Variants in MYO1A observed in about 807,000 individuals in gnomAD.
MYO1A encodes myosin IA.
In MYO1A, 127 loss-of-function variants were observed where a neutral mutation model predicts 138.5. The observed-to-expected ratio is 0.92, with a 90% CI of 0.79 to 1.06. MYO1A has a LOEUF of 1.06. MYO1A is among the 50% of genes least tolerant of loss of function. The pLI, the probability that MYO1A is intolerant of heterozygous loss-of-function variation, is 0.00. For missense variants in MYO1A, 1,211 were observed against 1,288.8 expected (o/e 0.94, Z 0.92); for synonymous variants, 477 against 497.5 (o/e 0.96, Z 0.55).
chr12:57,047,975 G>A lies in MYO1A; in HGVS notation c.230+14C>T, dbSNP rs762690771. On this transcript the variant is annotated intron_variant, in intron 3 of 27. Transcript: ENST00000300119. ...CTGGGGCCCTGTCAGCCTTCCCTTGGTCCCCCTACTCACATATGGGGCTTC... is the reference window on the plus strand; with the variant it reads ...CTGGGGCCCTGTCAGCCTTCCCTTGATCCCCCTACTCACATATGGGGCTTC... 1.8e-4 allele frequency: 288 copies of A among 1,603,802 alleles called. 2 individuals carry two copies. In the East Asian group the frequency reaches 6.1e-3, roughly 34 times the overall value.
At chr12:57,043,469 T>A in intron 10 of MYO1A, 111 bp from the exon 11 acceptor site, 1 of 1,068,386 alleles carries the variant, frequency 9.4e-7, no homozygotes, top group Non-Finnish European at 1.4e-6. Context: ...GGGGTCTCAC[T>A]GGAGAAGTCA....
Position 57,038,077 on chromosome 12 carries a change from G to A in MYO1A, c.1761-8C>T, listed in dbSNP as rs374593292. The stretch of plus-strand genomic sequence containing the variant: ...TCATTGGGCTTTATGCACCTGGTGG[G>A]AGGTGGGGTAAGGCACAGCCTTCAG... On this transcript the variant is annotated splice_polypyrimidine_tract_variant and splice_region_variant and intron_variant, in intron 17 of 27. Coordinates refer to ENST00000300119, the MANE Select transcript of MYO1A (RefSeq NM_005379.4). 3.3e-5 allele frequency: 54 copies of A among 1,613,756 alleles called. No homozygotes were observed. The highest frequency in any genetic ancestry group is 3.1e-4 in the East Asian group (14 of 44,888).
At position 57,048,333 on chromosome 12, in the gene MYO1A, G is replaced by A. The variant is rs1230210458; in HGVS notation, c.-10C>T. The A allele has an allele frequency of 5.0e-6, 8 of 1,596,352 alleles. No homozygotes were observed. Among genetic ancestry groups the A allele is most frequent in the Non-Finnish European group, 6.9e-6 (8 of 1,163,882 alleles). ...CTTCCAGGAGAGGCATGTCCAGAGG[G>A]GCCACTGATCCTGGGAATAAGAGGC... On this transcript the variant is annotated 5_prime_UTR_variant, in exon 2 of 28. Coordinates refer to ENST00000300119, the MANE Select transcript of MYO1A (RefSeq NM_005379.4).
In MYO1A at chr12:57,028,791, T is replaced by C. The variant is rs148841648; in HGVS notation, c.3096A>G (p.Lys1032=). 676 of 1,614,110 alleles carry C rather than the reference T, an allele frequency of 4.2e-4. No individual in the cohort carries two copies. Among genetic ancestry groups the C allele is most frequent in the Non-Finnish European group, 5.6e-4 (655 of 1,180,002 alleles). The stretch of plus-strand genomic sequence containing the variant: ...TCACCTCCAAGCAATGACTCCCCTT[T>C]TTTTTGTAGCGTAGCTTGCTGTTGT... ...GGDNSKLRYK[K]KGSHCLEVTV... The change falls in exon 28 of 28, where the codon AAA becomes AAG. Residue 1032 remains lysine (K), a synonymous_variant. Coordinates refer to ENST00000300119, the MANE Select transcript of MYO1A (RefSeq NM_005379.4).
intron 8 of MYO1A, among the ~76,000 whole-genome samples, chr12:57,045,886 C>T (rs1257720944): frequency 7.3e-6 from 1 of 137,564 alleles, no homozygotes; most frequent in African/African-American, 3.0e-5. Flanking sequence ...GGCCTGATGG[C>T]CCCGATCACA....
At chr12:57,043,706 T>C in intron 10 of MYO1A, 150 bp downstream of exon 10, 1 of 989,352 alleles carries the variant, frequency 1.0e-6, no homozygotes, top group Non-Finnish European at 1.5e-6. Context: ...TCGGGAGTTC[T>C]CAGTGAGTCT....
chr12:57,042,550 C>T (rs1234971976), intron 12 of MYO1A, among the ~76,000 whole-genome samples: 1 of 152,192 alleles, frequency 6.6e-6, no homozygotes, highest in Non-Finnish European at 1.5e-5. Flanking sequence ...CATAATTTAT[C>T]TGATCCTTAT....
chr12:57,029,069 A>G, intron 27 of MYO1A, 63 bp downstream of exon 27: 1 of 1,613,498 alleles, frequency 6.2e-7, no homozygotes, highest in Non-Finnish European at 8.5e-7. Context: ...GATCCTGGTC[A>G]CGATGACCAT....
Position 57,030,277 on chromosome 12 carries a change from C to G in MYO1A, c.2524G>C (p.Glu842Gln). The change falls in exon 24 of 28, where the codon GAG becomes CAG. Residue 842 changes from glutamate (E) to glutamine (Q), a missense_variant. Transcript: ENST00000300119. ...GCACAGAGCTTTTCCCTCAGGATCT[C>G]TACCTGCTTCGGGGACAGCTGATCC... ...FRDQLSPKQV[E>Q]ILREKLCASE... 6.2e-7 allele frequency: 1 copy of G among 1,614,166 alleles called. No homozygotes were observed. Among genetic ancestry groups the G allele is most frequent in the Non-Finnish European group, 8.5e-7 (1 of 1,180,024 alleles).
rs373699223 is a variant in MYO1A, at chr12:57,028,838, C to T, written c.3049G>A (p.Val1017Ile). 7.7e-5 allele frequency: 125 copies of T among 1,614,002 alleles called. No individual in the cohort carries two copies. In the African/African-American group the frequency reaches 7.9e-4, roughly 10 times the overall value. Residue 1017 changes from valine (V) to isoleucine (I), a missense_variant, in exon 28 of 28, where the codon GTC becomes ATC. Coordinates refer to ENST00000300119, the MANE Select transcript of MYO1A (RefSeq NM_005379.4). ...FKENSVAVKVVQGPAGGDNSK... is the reference protein window; with the variant it reads ...FKENSVAVKVIQGPAGGDNSK... The stretch of plus-strand genomic sequence containing the variant: ...TTGTCACCACCTGCAGGGCCCTGGA[C>T]GACCTTGACAGCCACACTGTTCTCC...
chr12:57,038,277 G>T, intron 17 of MYO1A, 135 bp downstream of exon 17: 1 of 1,155,050 alleles, frequency 8.7e-7, no homozygotes, highest in South Asian at 1.3e-5. Flanking sequence ...CTCCTTATCT[G>T]ACTGTTTTCT....
Position 57,029,588 on chromosome 12 carries a change from C to T in MYO1A, c.2725-1G>A. ...TCAGGAGGAGAATCCGAGAAGAAGT[C>T]TAGGGACGGAACAGGCAAGGGTGAG... On this transcript the variant is annotated splice_acceptor_variant, in intron 25 of 27. Transcript: ENST00000300119. LOFTEE classifies it high-confidence loss of function. 10 of 1,614,206 alleles carry T rather than the reference C, an allele frequency of 6.2e-6. No individual in the cohort carries two copies. The highest frequency in any genetic ancestry group is 8.5e-6 in the Non-Finnish European group (10 of 1,180,032).
chr12:57,042,404 T>C (rs1396799910), intron 12 of MYO1A, among the ~76,000 whole-genome samples: 1 of 152,242 alleles, frequency 6.6e-6, no homozygotes, highest in Non-Finnish European at 1.5e-5. Context: ...ACATTTGGGC[T>C]GTTTCTACTT....
chr12:57,045,854 T>C (rs2031069514), intron 8 of MYO1A, among the ~76,000 whole-genome samples: 1 of 152,146 alleles, frequency 6.6e-6, no homozygotes, highest in Non-Finnish European at 1.5e-5. Flanking sequence ...CTAGGTCTTC[T>C]GCTCTTATAG....
At position 57,047,364 on chromosome 12, in the gene MYO1A, C is replaced by A; in HGVS notation, c.369G>T (p.Gly123=). 6.2e-7 allele frequency: 1 copy of A among 1,614,172 alleles called. No individual in the cohort carries two copies. The highest frequency in any genetic ancestry group is 8.5e-7 in the Non-Finnish European group (1 of 1,180,032). Residue 123 remains glycine, a synonymous_variant, in exon 5 of 28, where the codon GGG becomes GGT. Transcript: ENST00000300119. ...LVMSYVAAVC[G]KGEQVNSVKE... ...TCACAGAGTTCACCTGCTCTCCTTT[C>A]CCACAGACGGCAGCCACATAAGACA... is the stretch of plus-strand genomic sequence containing the variant.
chr12:57,029,281 C>T (rs202227085), intron 26 of MYO1A, 22 bp from the exon 27 acceptor site: 12 of 1,613,772 alleles, frequency 7.4e-6, no homozygotes, highest in Non-Finnish European at 1.0e-5. Flanking sequence ...GGAAAAATAG[C>T]AGGAAAGGGA....
intron 22 of MYO1A, among the ~76,000 whole-genome samples, chr12:57,034,443 C>T (rs879905553): frequency 9.4e-5 from 14 of 148,166 alleles, no homozygotes; most frequent in Non-Finnish European, 1.6e-4. Context: ...GAGGCCAAGG[C>T]GAGTGAATCA....
In MYO1A at chr12:57,043,930, T is replaced by C; in HGVS notation, c.818A>G (p.Lys273Arg). 1 of 1,614,100 alleles carries C rather than the reference T, an allele frequency of 6.2e-7. No homozygotes were observed. ...ATCAGCCACCAACACGTTCCCCAGC[T>C]TTAGCACCATGGATGTCACCTCTAG... ...QVLEVTSMVL[K>R]LGNVLVADEF... The change falls in exon 10 of 28, where the codon AAG becomes AGG. Residue 273 changes from lysine to arginine, a missense_variant. Coordinates refer to ENST00000300119, the MANE Select transcript of MYO1A (RefSeq NM_005379.4).
At chr12:57,049,718 G>T (rs1055178290) in intron 1 of MYO1A, among the ~76,000 whole-genome samples, 169 bp downstream of exon 1, 2 of 152,216 alleles carry the variant, frequency 1.3e-5, no homozygotes, top group Non-Finnish European at 2.9e-5. Context: ...TGGCAGGGAA[G>T]GGTGAGAAGC....
Sources: allele counts gnomAD v4.1 joint callset (sites outside exome capture counted in the v4.1 genomes callset), GRCh38; gene constraint gnomAD v4.1.1; transcripts MANE v1.5; gene names NCBI Gene and HGNC (gene_info 2026-07-23, HGNC 2026-07-21).